Variants in CNTN5 observed in about 807,000 individuals in gnomAD.
CNTN5 encodes contactin-5.
In CNTN5, 77 loss-of-function variants were observed where a neutral mutation model predicts 129.1. The ratio of observed to expected loss-of-function variants is 0.60; its 90% CI spans 0.50 to 0.72. The LOEUF is 0.72. CNTN5 is among the 30% of genes least tolerant of loss of function. The probability of loss-of-function intolerance (pLI) is 0.00; values close to 1 mark genes in which losing one functional copy is unlikely to be tolerated. For missense variants in CNTN5, 1,478 were observed against 1,328.8 expected (o/e 1.11, Z -1.75); for synonymous variants, 509 against 465.6 (o/e 1.09, Z -1.20).
chr11:99,966,290 G>C (rs1346227106), intron 8 of CNTN5, among the ~76,000 whole-genome samples: 1 of 152,082 alleles, frequency 6.6e-6, no homozygotes, highest in Non-Finnish European at 1.5e-5. Flanking sequence ...TCTTAGCTTT[G>C]GTTCCCCTAA....
intron 2 of CNTN5, among the ~76,000 whole-genome samples, chr11:99,414,369 A>G (rs184573439): frequency 6.2e-4 from 94 of 152,254 alleles, no homozygotes; most frequent in African/African-American, 2.2e-3. Context: ...GCACACATGG[A>G]TATTTAATAA....
intron 3 of CNTN5, among the ~76,000 whole-genome samples, chr11:99,734,960 A>G (rs1943653882): frequency 6.6e-6 from 1 of 152,376 alleles, no homozygotes; most frequent in Non-Finnish European, 1.5e-5. Flanking sequence ...GTGAGCCGAG[A>G]TAGCACCACT....
chr11:99,922,879 G>T (rs1263438571), intron 7 of CNTN5, among the ~76,000 whole-genome samples: 1 of 152,108 alleles, frequency 6.6e-6, no homozygotes, highest in East Asian at 1.9e-4. Flanking sequence ...GTTTTGCAAG[G>T]TTTTAGACAG....
chr11:99,641,792 C>T (rs1951781783), intron 3 of CNTN5, among the ~76,000 whole-genome samples: 1 of 152,154 alleles, frequency 6.6e-6, no homozygotes, highest in Non-Finnish European at 1.5e-5. Flanking sequence ...CTCCCTTTGC[C>T]TATCTCCCAA....
At chr11:99,976,319 C>G (rs7941060) in intron 8 of CNTN5, among the ~76,000 whole-genome samples, 63,307 of 152,054 alleles carry the variant, frequency 0.42, 13,781 homozygotes, top group African/African-American at 0.46. Flanking sequence ...GTTGGTGGAT[C>G]TAGCATTCTG....
At chr11:100,256,063 T>C (rs747131965) in intron 17 of CNTN5, 145 bp downstream of exon 17, 17 of 734,426 alleles carry the variant, frequency 2.3e-5, no homozygotes, top group Non-Finnish European at 3.2e-5. Context: ...TTTGCTTCTT[T>C]TTATGAACCT....
At chr11:100,302,900 A>C (rs1951259311) in intron 20 of CNTN5, among the ~76,000 whole-genome samples, 1 of 151,640 alleles carries the variant, frequency 6.6e-6, no homozygotes, top group South Asian at 2.1e-4. Context: ...TCAAAGAAAA[A>C]ATCATTTGCA....
intron 2 of CNTN5, among the ~76,000 whole-genome samples, chr11:99,365,345 G>A (rs370391025): frequency 6.4e-4 from 97 of 152,162 alleles, no homozygotes; most frequent in African/African-American, 2.3e-3. Flanking sequence ...TGTTCAAACA[G>A]ACAAAATAGA....
intron 2 of CNTN5, among the ~76,000 whole-genome samples, chr11:99,377,888 A>G (rs1377064951): frequency 6.6e-6 from 1 of 152,084 alleles, no homozygotes; most frequent in African/African-American, 2.4e-5. Flanking sequence ...ATGCAGCACA[A>G]CTTTAACACT....
intron 3 of CNTN5, among the ~76,000 whole-genome samples, chr11:99,804,287 G>A (rs1029460421): frequency 6.6e-6 from 1 of 152,050 alleles, no homozygotes; most frequent in East Asian, 1.9e-4. Flanking sequence ...ACCCTAGCTT[G>A]CAAAATGTGT....
intron 13 of CNTN5, among the ~76,000 whole-genome samples, chr11:100,077,747 G>T (rs1008036183): frequency 6.6e-6 from 1 of 152,104 alleles, no homozygotes; most frequent in Admixed American, 6.6e-5. Flanking sequence ...AGAGGCTGAG[G>T]TGGGAGGATG....
chr11:99,508,554 C>T (rs1946712879), intron 2 of CNTN5, among the ~76,000 whole-genome samples: 1 of 152,066 alleles, frequency 6.6e-6, no homozygotes, highest in Non-Finnish European at 1.5e-5. Context: ...TTTGCGGAGC[C>T]CTTCCTCAAT....
chr11:99,881,101 CAG>C (rs1461600977), intron 6 of CNTN5, among the ~76,000 whole-genome samples: 1 of 152,136 alleles, frequency 6.6e-6, no homozygotes, highest in Non-Finnish European at 1.5e-5. Context: ...GAAATTCAGA[CAG>C]ATTGTGCAGT....
chr11:100,209,271 A>C (rs1160387402), intron 15 of CNTN5, among the ~76,000 whole-genome samples: 1 of 152,190 alleles, frequency 6.6e-6, no homozygotes, highest in African/African-American at 2.4e-5. Flanking sequence ...AGAGAGGTGT[A>C]GGAGATAGCC....
At chr11:99,733,300 C>T (rs922523395) in intron 3 of CNTN5, among the ~76,000 whole-genome samples, 29 of 140,018 alleles carry the variant, frequency 2.1e-4, no homozygotes, top group Admixed American at 4.4e-4. Context: ...CCAGCCTGAG[C>T]GACAGAGAGA....
At chr11:99,146,893 T>A (rs1442228714) in intron 1 of CNTN5, among the ~76,000 whole-genome samples, 1 of 152,050 alleles carries the variant, frequency 6.6e-6, no homozygotes, top group Non-Finnish European at 1.5e-5. Flanking sequence ...AGCTAATTTT[T>A]GTACTTTTTG....
chr11:100,289,847 A>T (rs1384294978), intron 18 of CNTN5, among the ~76,000 whole-genome samples: 2 of 150,234 alleles, frequency 1.3e-5, no homozygotes, highest in East Asian at 2.0e-4. Flanking sequence ...ACATGATTGT[A>T]TATCTAGAAA....
chr11:99,124,253 T>G (rs1858506372), intron 1 of CNTN5, among the ~76,000 whole-genome samples: 1 of 152,076 alleles, frequency 6.6e-6, no homozygotes, highest in Non-Finnish European at 1.5e-5. Flanking sequence ...TTTTCCTGGT[T>G]AGCTATATTC....
intron 1 of CNTN5, among the ~76,000 whole-genome samples, chr11:99,249,883 A>G (rs1862013124): frequency 6.6e-6 from 1 of 151,954 alleles, no homozygotes. Flanking sequence ...ATAATCCACA[A>G]ATAGAGGCCA....
Sources: gnomAD v4.1 joint callset for allele counts (sites outside exome capture counted in the v4.1 genomes callset) on GRCh38, gnomAD v4.1.1 for gene constraint, MANE v1.5 for transcripts, NCBI Gene and HGNC (gene_info 2026-07-23, HGNC 2026-07-21) for gene names.